The following TEX22 variants were observed in gnomAD, a reference collection of about 807,000 sequenced individuals.
TEX22 encodes testis expressed 22, also known as testis-expressed protein 22.
TEX22 carries 16 observed loss-of-function variants against 11.3 expected under a neutral mutation model. The ratio of observed to expected loss-of-function variants is 1.42; its 90% CI spans 0.96 to 2.15. The LOEUF is 2.15. Ranked by LOEUF, TEX22 falls within the 30% of genes most tolerant of loss-of-function variation. The pLI is 0.00. For missense variants in TEX22, 220 were observed against 208.6 expected (o/e 1.05, Z -0.34); for synonymous variants, 97 against 92.3 (o/e 1.05, Z -0.29).
At chr14:105,402,605 A>T (rs1229800610) in intron 2 of TEX22, among the ~76,000 whole-genome samples, 1 of 151,340 alleles carries the variant, frequency 6.6e-6, no homozygotes, top group Non-Finnish European at 1.5e-5. Context: ...AATACAAAAA[A>T]ATTAGCCGGG....
chr14:105,402,614 G>A (rs1012919089), intron 2 of TEX22, among the ~76,000 whole-genome samples: 1 of 151,946 alleles, frequency 6.6e-6, no homozygotes, highest in Non-Finnish European at 1.5e-5. Flanking sequence ...AAATTAGCCG[G>A]GCGTGGTGGC....
intron 2 of TEX22, among the ~76,000 whole-genome samples, chr14:105,402,526 G>A (rs112477525): frequency 5.3e-4 from 80 of 151,880 alleles, no homozygotes; most frequent in African/African-American, 1.3e-3. Context: ...AGGCTGGGGC[G>A]GGCAGATCAC....
intron 1 of TEX22, 33 bp from the exon 2 acceptor site, chr14:105,399,269 C>T (rs2081608980): frequency 1.6e-6 from 2 of 1,224,042 alleles, no homozygotes; most frequent in Non-Finnish European, 2.2e-6. Context: ...GCCTTGTGGG[C>T]CCCGCCCCAC....
At chr14:105,404,220 T>C (rs1181908002) in intron 2 of TEX22, among the ~76,000 whole-genome samples, 1 of 152,216 alleles carries the variant, frequency 6.6e-6, no homozygotes, top group Non-Finnish European at 1.5e-5. Flanking sequence ...TGATAGGGGC[T>C]GGCAGGAGGC....
intron 2 of TEX22, among the ~76,000 whole-genome samples, chr14:105,399,945 T>A (rs1566983159): frequency 6.6e-6 from 1 of 152,346 alleles, no homozygotes; most frequent in East Asian, 1.9e-4. Context: ...CTGCTGTGAT[T>A]CCCCAAACTG....
At chr14:105,402,521 G>T (rs587726662) in intron 2 of TEX22, among the ~76,000 whole-genome samples, 2 of 152,022 alleles carry the variant, frequency 1.3e-5, no homozygotes, top group Non-Finnish European at 2.9e-5. Context: ...TTGGGAGGCT[G>T]GGGCGGGCAG....
chr14:105,399,418 G>T lies in TEX22; in HGVS notation c.78G>T (p.Leu26=), dbSNP rs1555418132. 6.5e-7 allele frequency: 1 copy of T among 1,535,830 alleles called. No individual in the cohort carries two copies. The highest frequency in any genetic ancestry group is 8.7e-7 in the Non-Finnish European group (1 of 1,146,778). ...HLSQEHRRPP[L]GLIAAWGQPS... Reference sequence around the variant, plus strand: ...CCCAAGAGCACAGGCGGCCCCCACTGGGCCTGATAGCAGCCTGGGGCCAGC... The same window carrying T: ...CCCAAGAGCACAGGCGGCCCCCACTTGGCCTGATAGCAGCCTGGGGCCAGC... Residue 26 remains leucine (L), a synonymous_variant, in exon 2 of 4, where the codon CTG becomes CTT. Transcript: ENST00000451127.
intron 1 of TEX22, among the ~76,000 whole-genome samples, 182 bp downstream of exon 1, chr14:105,398,817 G>T (rs1272241470): frequency 6.6e-6 from 1 of 152,208 alleles, no homozygotes; most frequent in South Asian, 2.1e-4. Flanking sequence ...CACCGGAGAG[G>T]GCGGGCACGT....
chr14:105,402,225 T>C (rs148926556), intron 2 of TEX22, among the ~76,000 whole-genome samples: 48 of 152,192 alleles, frequency 3.2e-4, no homozygotes, highest in African/African-American at 1.2e-3. Context: ...GAAGCCCTTA[T>C]AGTAAATCAA....
chr14:105,402,554 A>G (rs977563678), intron 2 of TEX22, among the ~76,000 whole-genome samples: 29 of 151,886 alleles, frequency 1.9e-4, no homozygotes, highest in South Asian at 4.1e-4. Context: ...GGAGATCAAG[A>G]CCATCCTGGC....
At chr14:105,405,017 G>C (rs2081651261) in intron 2 of TEX22, among the ~76,000 whole-genome samples, 1 of 152,160 alleles carries the variant, frequency 6.6e-6, no homozygotes, top group African/African-American at 2.4e-5. Context: ...GAGAAGAGGA[G>C]GGGGGTGGGC....
Position 105,398,619 on chromosome 14 carries a change from C to G in TEX22, c.-56C>G, listed in dbSNP as rs1172733345. The G allele has an allele frequency of 2.0e-5, 3 of 152,300 alleles. No individual in the cohort carries two copies. The highest frequency in any genetic ancestry group is 4.4e-5 in the Non-Finnish European group (3 of 68,086). 9.4% of individuals were successfully genotyped at this position (152,300 alleles called of 1,614,324 possible). The stretch of plus-strand genomic sequence containing the variant: ...GTGTACTCCAGCGGCCCCCTGTGGC[C>G]TCTCCATCCGCGGCGGGTCTGTCCC... On this transcript the variant is annotated 5_prime_UTR_variant, in exon 1 of 4. Transcript: ENST00000451127.
rs2081701442 is a variant in TEX22, at chr14:105,412,615, TGC to T, written c.*783_*784del. On this transcript the variant is annotated 3_prime_UTR_variant, in exon 4 of 4. Coordinates refer to ENST00000451127, the MANE Select transcript of TEX22 (RefSeq NM_001195082.2). The surrounding 1 kb of genome is among the most constrained non-coding windows in gnomAD (Gnocchi z 5.8). ...CTGAGCCGGGGTAACGTGTCCCAGC[TGC>T]ATTTTGGGGACACTAAGTTGCAGGG... The T allele has an allele frequency of 6.7e-6, 1 of 149,830 alleles. No homozygotes were observed. The highest frequency in any genetic ancestry group is 6.7e-5 in the Admixed American group (1 of 14,948). 9.3% of individuals were successfully genotyped at this position (149,830 alleles called of 1,614,324 possible).
At chr14:105,409,281 C>T (rs1477923848) in intron 2 of TEX22, among the ~76,000 whole-genome samples, 3 of 152,126 alleles carry the variant, frequency 2.0e-5, no homozygotes, top group African/African-American at 7.2e-5. Context: ...GTACATCTAG[C>T]AGCTTCCTCC....
rs900981630 is a variant in TEX22, at chr14:105,404,235, C to T, written c.150+4745C>T. ...TGATAGGGGCTGGCAGGAGGCTCAG[C>T]TCCTTACCACGTGGATCTCCCCATA... On this transcript the variant is annotated intron_variant, in intron 2 of 3. Transcript: ENST00000451127. 2.6e-5 allele frequency among the ~76,000 whole-genome samples: 4 copies of T among 152,196 alleles called. No homozygotes were observed. The East Asian group carries it at 5.8e-4, about 22-fold the overall frequency.
rs587670263 is a variant in TEX22 at position 105,402,675 on chromosome 14, G to A, written c.150+3185G>A. On this transcript the variant is annotated intron_variant, in intron 2 of 3. Coordinates refer to ENST00000451127, the MANE Select transcript of TEX22 (RefSeq NM_001195082.2). ...GGAGGCTGAGGCAGGAGAATGGCGT[G>A]AACCCGGGAGGCGGAGCTTGCAGTG... Among the ~76,000 whole-genome samples, 129 of 150,040 alleles carry A rather than the reference G, an allele frequency of 8.6e-4. 1 individual carries two copies. In the Middle Eastern group the frequency reaches 0.014, roughly 16 times the overall value.
chr14:105,402,734 C>G (rs587773953), intron 2 of TEX22, among the ~76,000 whole-genome samples: 149 of 138,614 alleles, frequency 1.1e-3, no homozygotes, highest in Non-Finnish European at 1.8e-3. Flanking sequence ...CCAGCCTGGG[C>G]GACAGAGCGA....
At chr14:105,401,396 G>A (rs1270035277) in intron 2 of TEX22, among the ~76,000 whole-genome samples, 7 of 151,976 alleles carry the variant, frequency 4.6e-5, no homozygotes, top group Admixed American at 2.6e-4. Flanking sequence ...AAAAGAAGTC[G>A]CAGCCATAAA....
chr14:105,401,981 T>C (rs1595218023), intron 2 of TEX22, among the ~76,000 whole-genome samples: 1 of 151,992 alleles, frequency 6.6e-6, no homozygotes. Flanking sequence ...AGGTCGAGAG[T>C]TGGAGACCAT....
Sources: gnomAD v4.1 joint callset for allele counts (sites outside exome capture counted in the v4.1 genomes callset) on GRCh38, gnomAD v4.1.1 for gene constraint, Gnocchi (gnomAD v3.1) non-coding constraint, MANE v1.5 for transcripts, NCBI Gene and HGNC (gene_info 2026-07-23, HGNC 2026-07-21) for gene names.